The following DENND2B variants were observed in gnomAD, a reference collection of about 807,000 sequenced individuals.
DENND2B encodes DENN domain containing 2B.
A neutral mutation model predicts 116.0 loss-of-function variants in DENND2B; 32 were observed. That is an observed-to-expected ratio of 0.28 (90% CI 0.21 to 0.37). The LOEUF is 0.37. DENND2B is among the 10% of genes least tolerant of loss of function. The probability of loss-of-function intolerance (pLI) is 1.00; values close to 1 mark genes in which losing one functional copy is unlikely to be tolerated. For missense variants in DENND2B, 1,276 were observed against 1,477.7 expected (o/e 0.86, Z 2.24); for synonymous variants, 588 against 583.9 (o/e 1.01, Z -0.10).
chr11:8,793,801 A>G (rs2059586355), intron 1 of DENND2B, among the ~76,000 whole-genome samples: 2 of 152,160 alleles, frequency 1.3e-5, no homozygotes, highest in African/African-American at 4.8e-5. Context: ...CAGCAGCTGC[A>G]CCGCTAACAC....
At chr11:8,866,953 G>A (rs1377456963) in intron 2 of DENND2B, among the ~76,000 whole-genome samples, 1 of 152,132 alleles carries the variant, frequency 6.6e-6, no homozygotes, top group African/African-American at 2.4e-5. Context: ...GTGGAGAACC[G>A]AGATCATATT....
intron 1 of DENND2B, among the ~76,000 whole-genome samples, chr11:8,906,836 T>C (rs1449927583): frequency 1.3e-5 from 2 of 152,220 alleles, no homozygotes; most frequent in African/African-American, 4.8e-5. Flanking sequence ...CTTACAAAGC[T>C]GTGATGATTC....
chr11:8,791,076 C>A (rs988842754), intron 1 of DENND2B, among the ~76,000 whole-genome samples: 1 of 152,212 alleles, frequency 6.6e-6, no homozygotes, highest in Non-Finnish European at 1.5e-5. Context: ...TTTCCTCACA[C>A]CTTTCAAGCT....
chr11:8,798,641 A>C (rs1479240110), intron 1 of DENND2B, among the ~76,000 whole-genome samples: 2 of 152,068 alleles, frequency 1.3e-5, no homozygotes, highest in East Asian at 1.9e-4. Context: ...TCTGGATATC[A>C]CTGCTTTGAA....
chr11:8,851,725 G>GC (rs1340324421), intron 3 of DENND2B, among the ~76,000 whole-genome samples: 1 of 95,724 alleles, frequency 1.0e-5, no homozygotes, highest in Admixed American at 1.1e-4. Flanking sequence ...TAAATACATA[G>GC]GGGGGGACAA....
chr11:8,858,741 G>C (rs1241885623), intron 2 of DENND2B, among the ~76,000 whole-genome samples: 1 of 152,202 alleles, frequency 6.6e-6, no homozygotes, highest in African/African-American at 2.4e-5. Flanking sequence ...TGGCTATTCT[G>C]AACCAGTCGA....
At chr11:8,755,228 T>C (rs2134076758) in intron 1 of DENND2B, among the ~76,000 whole-genome samples, 1 of 152,332 alleles carries the variant, frequency 6.6e-6, no homozygotes, top group African/African-American at 2.4e-5. Flanking sequence ...CTCCATCACA[T>C]TGGCCAAAAT....
chr11:8,882,365 C>T (rs1594336415), intron 1 of DENND2B, among the ~76,000 whole-genome samples: 1 of 152,220 alleles, frequency 6.6e-6, no homozygotes, highest in Non-Finnish European at 1.5e-5. Flanking sequence ...ATTACTCTCT[C>T]CCTTGGCACC....
chr11:8,745,171 C>T (rs2051011932), intron 2 of DENND2B, among the ~76,000 whole-genome samples: 1 of 152,104 alleles, frequency 6.6e-6, no homozygotes. Flanking sequence ...CCTCCCACCC[C>T]AATCTCCAGA....
At position 8,860,111 on chromosome 11, in the gene DENND2B, C is replaced by G. The variant is rs61291345; in HGVS notation, c.-249-2675G>C. On this transcript the variant is annotated intron_variant, in intron 2 of 6. Coordinates refer to the DENND2B transcript ENST00000524757. ...GAGAATCATCCAGCAGGGTTCTTCC[C>G]GCCAAGGTACAGGAATCTCAGTGCC... 1.4e-4 allele frequency among the ~76,000 whole-genome samples: 22 copies of G among 152,196 alleles called. No individual in the cohort carries two copies. In the East Asian group the frequency reaches 4.1e-3, roughly 28 times the overall value.
At chr11:8,838,903 C>T (rs1317171757) in intron 4 of DENND2B, among the ~76,000 whole-genome samples, 1 of 152,156 alleles carries the variant, frequency 6.6e-6, no homozygotes, top group Non-Finnish European at 1.5e-5. Flanking sequence ...AATCTCAGAG[C>T]AACATAGAAG....
At chr11:8,840,589 G>C (rs2062590686) in intron 3 of DENND2B, among the ~76,000 whole-genome samples, 2 of 151,942 alleles carry the variant, frequency 1.3e-5, no homozygotes, top group African/African-American at 4.8e-5. Flanking sequence ...AACCAAACAG[G>C]ATAATTCCTT....
chr11:8,766,478 G>A (rs537633291), intron 1 of DENND2B, among the ~76,000 whole-genome samples: 21 of 152,254 alleles, frequency 1.4e-4, no homozygotes, highest in African/African-American at 4.8e-4. Flanking sequence ...GGCCAGCAGG[G>A]GTCTTCCACA....
At chr11:8,701,218 G>A (rs781656469) in intron 14 of DENND2B, among the ~76,000 whole-genome samples, 3 of 152,050 alleles carry the variant, frequency 2.0e-5, no homozygotes, top group African/African-American at 4.8e-5. Flanking sequence ...AATTCCCACC[G>A]TTGTCCTCTT....
chr11:8,851,834 T>C (rs1485629801), intron 3 of DENND2B, among the ~76,000 whole-genome samples: 1 of 152,222 alleles, frequency 6.6e-6, no homozygotes, highest in African/African-American at 2.4e-5. Flanking sequence ...TTGGTATATA[T>C]ATAAACACTA....
intron 4 of DENND2B, among the ~76,000 whole-genome samples, chr11:8,827,606 TA>T (rs1359986050): frequency 6.6e-6 from 1 of 152,192 alleles, no homozygotes. Context: ...GTTACCAAGT[TA>T]CCACTGCTTT....
At chr11:8,792,140 G>A (rs1055950315) in intron 1 of DENND2B, among the ~76,000 whole-genome samples, 2 of 151,900 alleles carry the variant, frequency 1.3e-5, no homozygotes. Context: ...GGGAGGCAGA[G>A]GTTGCAGTAA....
At chr11:8,728,748 T>C (rs1424276681) in intron 3 of DENND2B, among the ~76,000 whole-genome samples, 3 of 152,208 alleles carry the variant, frequency 2.0e-5, no homozygotes, top group African/African-American at 4.8e-5. Flanking sequence ...CCATGAGTCA[T>C]GGCACGTATG....
intron 4 of DENND2B, among the ~76,000 whole-genome samples, chr11:8,830,249 T>G: frequency 6.6e-6 from 1 of 152,184 alleles, no homozygotes; most frequent in Non-Finnish European, 1.5e-5. Flanking sequence ...CCAAGGTAGA[T>G]CATCGCCGTG....
Sources: gnomAD v4.1 joint callset for allele counts (sites outside exome capture counted in the v4.1 genomes callset) on GRCh38, gnomAD v4.1.1 for gene constraint, MANE v1.5 for transcripts, NCBI Gene and HGNC (gene_info 2026-07-23, HGNC 2026-07-21) for gene names.